The following EYS variants were observed in gnomAD, a reference collection of about 807,000 sequenced individuals.
EYS encodes EGF-like photoreceptor maintenance factor.
In EYS, 250 loss-of-function variants were observed where a neutral mutation model predicts 282.1. The observed-to-expected ratio is 0.89, with a 90% CI of 0.80 to 0.98. The LOEUF (loss-of-function observed/expected upper bound fraction) is 0.98. Among genes scored for constraint, EYS ranks in the 50% least tolerant of loss-of-function variants. The probability of loss-of-function intolerance (pLI) is 0.00; values close to 1 mark genes in which losing one functional copy is unlikely to be tolerated. For synonymous variants in EYS, 1,355 were observed against 1,282.9 expected, an observed-to-expected ratio of 1.06 and a Z score of -1.20; for missense variants, 4,016 against 3,709.0, an observed-to-expected ratio of 1.08 and a Z score of -2.15.
intron 11 of EYS, chr6:65,332,125 C>A: frequency 4.5e-6 from 2 of 440,010 alleles, no homozygotes; most frequent in East Asian, 7.0e-5. Context: ...CTTCATTCTT[C>A]TTATTTTTTT....
intron 22 of EYS, among the ~76,000 whole-genome samples, chr6:64,759,920 C>T (rs1773103130): frequency 6.6e-6 from 1 of 152,122 alleles, no homozygotes; most frequent in Non-Finnish European, 1.5e-5. Flanking sequence ...TCAAAAATGT[C>T]TCATTACAAT....
In EYS at chr6:65,296,118, A is replaced by T; in HGVS notation, c.1768T>A (p.Cys590Ser). The T allele has an allele frequency of 6.5e-7, 1 of 1,542,614 alleles. No homozygotes were observed. Among genetic ancestry groups the T allele is most frequent in the Non-Finnish European group, 8.7e-7 (1 of 1,144,398 alleles). ...CCAATGTAACTAAGAGAACAGCTGC[A>T]TCTGAAACACAGAGAAATGAAAAAC... The part of the protein sequence containing the change: ...VCKDEINRPR[C>S]SCSLSYIGRL... Residue 590 changes from cysteine to serine, a missense_variant and splice_region_variant, in exon 12 of 43, where the codon TGC (cysteine) becomes AGC (serine). Coordinates refer to ENST00000503581, the MANE Select transcript of EYS (RefSeq NM_001142800.2).
chr6:64,318,644 A>C (rs1378689858), intron 29 of EYS, among the ~76,000 whole-genome samples: 1 of 152,002 alleles, frequency 6.6e-6, no homozygotes, highest in Non-Finnish European at 1.5e-5. Flanking sequence ...ACCTGGTATT[A>C]AGGAACAATT....
intron 8 of EYS, among the ~76,000 whole-genome samples, chr6:65,378,026 G>C (rs1765444812): frequency 6.6e-6 from 1 of 151,920 alleles, no homozygotes; most frequent in Non-Finnish European, 1.5e-5. Context: ...ACAATAGATA[G>C]ACAAATGCGA....
intron 31 of EYS, among the ~76,000 whole-genome samples, chr6:64,097,808 G>A (rs1010848994): frequency 6.6e-6 from 1 of 152,118 alleles, no homozygotes; most frequent in African/African-American, 2.4e-5. Context: ...AGGAGAATAT[G>A]GAAGAAAATT....
intron 11 of EYS, among the ~76,000 whole-genome samples, chr6:65,325,456 G>A (rs1272057594): frequency 6.6e-6 from 1 of 152,156 alleles, no homozygotes; most frequent in Non-Finnish European, 1.5e-5. Context: ...AGGCATAGGA[G>A]GGAGAATGAC....
At chr6:64,848,076 T>G (rs1015304423) in intron 19 of EYS, among the ~76,000 whole-genome samples, 1 of 152,048 alleles carries the variant, frequency 6.6e-6, no homozygotes, top group Non-Finnish European at 1.5e-5. Flanking sequence ...GTCGAATTAT[T>G]TATGTATAAG....
At chr6:63,742,112 G>A in intron 41 of EYS, 1 of 612,140 alleles carries the variant, frequency 1.6e-6, no homozygotes, top group Non-Finnish European at 3.0e-6. Flanking sequence ...CATCTGTCCT[G>A]CAGTTCTTGA....
intron 35 of EYS, among the ~76,000 whole-genome samples, chr6:63,908,012 GTATATATATA>G (rs57451331): frequency 2.3e-5 from 3 of 131,174 alleles, no homozygotes; most frequent in East Asian, 2.3e-4. Flanking sequence ...ACACACAAAC[GTATATATATA>G]TATATATATA....
At chr6:64,508,613 G>A (rs1241678516) in intron 26 of EYS, among the ~76,000 whole-genome samples, 1 of 149,492 alleles carries the variant, frequency 6.7e-6, no homozygotes, top group East Asian at 2.0e-4. Context: ...TCAAGTGCCT[G>A]TTGCATTTGT....
intron 33 of EYS, among the ~76,000 whole-genome samples, chr6:64,022,349 C>T (rs544939339): frequency 6.6e-6 from 1 of 152,244 alleles, no homozygotes; most frequent in African/African-American, 2.4e-5. Flanking sequence ...ACTCAGGTAT[C>T]CAGAATCTAT....
intron 22 of EYS, among the ~76,000 whole-genome samples, chr6:64,792,915 A>G (rs1407688421): frequency 6.9e-6 from 1 of 144,004 alleles, no homozygotes; most frequent in African/African-American, 2.5e-5. Flanking sequence ...AGTAATTATA[A>G]CTTTAATTGT....
At chr6:64,935,664 A>G (rs1306157040) in intron 15 of EYS, among the ~76,000 whole-genome samples, 1 of 151,760 alleles carries the variant, frequency 6.6e-6, no homozygotes, top group Admixed American at 6.6e-5. Flanking sequence ...AAAGGATTCA[A>G]AGAGAATACT....
intron 12 of EYS, among the ~76,000 whole-genome samples, chr6:65,154,248 G>A (rs1764682693): frequency 6.6e-6 from 1 of 151,468 alleles, no homozygotes; most frequent in South Asian, 2.1e-4. Flanking sequence ...ATTCACGTAG[G>A]TACAGGTGAA....
intron 28 of EYS, among the ~76,000 whole-genome samples, chr6:64,404,080 G>T (rs892345553): frequency 6.6e-6 from 1 of 152,034 alleles, no homozygotes; most frequent in East Asian, 1.9e-4. Flanking sequence ...TAAAATTGGG[G>T]AGTAAATCCC....
Position 65,411,748 on chromosome 6 carries a change from G to A in EYS, c.863-6381C>T, listed in dbSNP as rs145011541. On this transcript the variant is annotated intron_variant, in intron 5 of 42. Coordinates refer to ENST00000503581, the MANE Select transcript of EYS (RefSeq NM_001142800.2). ...ATACAATATGTAACTTTTTGGAATT[G>A]TCTTTTTTGTCCCTCTTGTTATAAT... is the stretch of plus-strand genomic sequence containing the variant. Among the ~76,000 whole-genome samples, 355 of 150,130 alleles carry A rather than the reference G, an allele frequency of 2.4e-3. 3 individuals carry two copies. The highest frequency in any genetic ancestry group is 8.3e-3 in the African/African-American group (341 of 40,982).
At chr6:65,229,230 G>C (rs1766706137) in intron 12 of EYS, among the ~76,000 whole-genome samples, 1 of 151,768 alleles carries the variant, frequency 6.6e-6, no homozygotes, top group Admixed American at 6.6e-5. Context: ...TATTTAGCAA[G>C]ATATGGACCA....
chr6:65,305,239 A>C (rs1446482191), intron 11 of EYS, among the ~76,000 whole-genome samples: 4 of 152,184 alleles, frequency 2.6e-5, no homozygotes, highest in Non-Finnish European at 5.9e-5. Context: ...GAGGGAGATC[A>C]AGTGAAAGGG....
At chr6:64,665,019 AAG>A (rs1402713834) in intron 22 of EYS, among the ~76,000 whole-genome samples, 3 of 152,234 alleles carry the variant, frequency 2.0e-5, no homozygotes, top group Non-Finnish European at 2.9e-5. Context: ...TGTGTGAAAA[AAG>A]AGTCACATGA....
Sources: gnomAD v4.1 joint callset for allele counts (sites outside exome capture counted in the v4.1 genomes callset) on GRCh38, gnomAD v4.1.1 for gene constraint, MANE v1.5 for transcripts, NCBI Gene and HGNC (gene_info 2026-07-23, HGNC 2026-07-21) for gene names.